SMAD6: variants seen among roughly 807,000 people sequenced by gnomAD.
SMAD6 encodes SMAD family member 6.
Under a neutral mutation model 39.4 loss-of-function variants are expected in SMAD6, and 103 were observed. The observed-to-expected ratio is 2.62, with a 90% CI of 2.23 to 3.08. The LOEUF (loss-of-function observed/expected upper bound fraction) is 3.08, where lower values mean the gene tolerates loss of function less well. Among genes scored for constraint, SMAD6 ranks in the 30% most tolerant of loss-of-function variants. SMAD6 has a pLI of 0.00. For synonymous variants in SMAD6, 445 were observed against 353.3 expected, an observed-to-expected ratio of 1.26 and a Z score of -2.91; for missense variants, 1,104 against 742.9, an observed-to-expected ratio of 1.49 and a Z score of -5.65.
chr15:66,775,253 C>G (rs546380919), intron 3 of SMAD6, among the ~76,000 whole-genome samples: 1 of 152,152 alleles, frequency 6.6e-6, no homozygotes, highest in Non-Finnish European at 1.5e-5. Context: ...TCTGGCCTCT[C>G]GTGCTCAATG....
chr15:66,744,200 G>A (rs1343114941), intron 3 of SMAD6, among the ~76,000 whole-genome samples: 4 of 152,098 alleles, frequency 2.6e-5, no homozygotes, highest in African/African-American at 9.7e-5. Flanking sequence ...CACGAGCCCA[G>A]AAAGAGTCGA....
At chr15:66,760,068 C>A (rs1195952023) in intron 3 of SMAD6, among the ~76,000 whole-genome samples, 2 of 152,220 alleles carry the variant, frequency 1.3e-5, no homozygotes, top group Admixed American at 6.5e-5. Context: ...GTTCCCCAAA[C>A]CTGGAATGCC....
chr15:66,778,515 G>T lies in SMAD6; in HGVS notation c.953-2482G>T, dbSNP rs79072030. On this transcript the variant is annotated intron_variant, in intron 3 of 3. Transcript: ENST00000288840. ...GCCTTGTCTGTGAAGAGGTGCAGCAGTGACCCCTCCCTTAGTGAGACAGTA... is the reference window on the plus strand; with the variant it reads ...GCCTTGTCTGTGAAGAGGTGCAGCATTGACCCCTCCCTTAGTGAGACAGTA... Among the ~76,000 whole-genome samples the T allele has an allele frequency of 0.011, 1,633 of 152,302 alleles. 97 individuals are homozygous for T. The East Asian group carries it at 0.17, about 16-fold the overall frequency.
chr15:66,756,239 A>AG (rs201886415), intron 3 of SMAD6, among the ~76,000 whole-genome samples: 11 of 151,912 alleles, frequency 7.2e-5, no homozygotes, highest in Admixed American at 2.0e-4. Context: ...GGCCCTTTAA[A>AG]AAAATTTTTT....
At position 66,781,204 on chromosome 15, in the gene SMAD6, T is replaced by G; in HGVS notation, c.1160T>G (p.Ile387Ser). 2 of 1,608,310 alleles carry G rather than the reference T, an allele frequency of 1.2e-6. No homozygotes were observed. Among genetic ancestry groups the G allele is most frequent in the African/African-American group, 1.3e-5 (1 of 75,012 alleles). ...TCGGTGCGGCGAACGCGCAGCAAGA[T>G]CGGCTTCGGCATCCTGCTCAGCAAG... ...SESVRRTRSKIGFGILLSKEP... is the reference protein window; with the variant it reads ...SESVRRTRSKSGFGILLSKEP... The change falls in exon 4 of 4, where the codon ATC (isoleucine) becomes AGC (serine). Residue 387 changes from isoleucine to serine, a missense_variant. By Grantham distance (142) the Ile-to-Ser change is moderately radical. Coordinates refer to ENST00000288840, the MANE Select transcript of SMAD6 (RefSeq NM_005585.5).
At chr15:66,734,416 C>T (rs1039251542) in intron 3 of SMAD6, among the ~76,000 whole-genome samples, 6 of 152,178 alleles carry the variant, frequency 3.9e-5, no homozygotes, top group East Asian at 1.9e-4. Flanking sequence ...GCAGACAGCT[C>T]GGGAAACTGA....
intron 3 of SMAD6, among the ~76,000 whole-genome samples, chr15:66,742,097 G>A (rs1276076430): frequency 6.6e-6 from 1 of 152,160 alleles, no homozygotes; most frequent in Non-Finnish European, 1.5e-5. Context: ...TGAGCAGGCG[G>A]GTAGTCACTT....
Position 66,702,377 on chromosome 15 carries a change from T to G in SMAD6, c.-882T>G, listed in dbSNP as rs1892988997. The G allele has an allele frequency of 6.8e-6, 1 of 146,154 alleles. No homozygotes were observed. Among genetic ancestry groups the G allele is most frequent in the Non-Finnish European group, 1.5e-5 (1 of 66,746 alleles). The allele number at this position is 146,154 out of a possible 1,614,324, so 9.1% of individuals were successfully genotyped here. A position where few individuals can be genotyped will look rare whatever the true frequency, so the allele number is the denominator to read the frequency against. On this transcript the variant is annotated 5_prime_UTR_variant, in exon 1 of 4. Transcript: ENST00000288840. ...GCCGAGAGAAAGAGCCGCCGGGCGC[T>G]GCCTCGCCAGACCTCGCTGGGACCC...
chr15:66,759,335 G>C (rs948858586), intron 3 of SMAD6, among the ~76,000 whole-genome samples: 2 of 112,252 alleles, frequency 1.8e-5, no homozygotes, highest in Non-Finnish European at 3.8e-5. Flanking sequence ...GGACAGAGAG[G>C]AAGAGAGAGA....
chr15:66,767,536 C>A (rs1168741820), intron 3 of SMAD6, among the ~76,000 whole-genome samples: 1 of 152,240 alleles, frequency 6.6e-6, no homozygotes, highest in East Asian at 1.9e-4. Flanking sequence ...GCAGCTTCAA[C>A]TTGCCTGCAC....
At chr15:66,733,160 C>T (rs73469895) in intron 3 of SMAD6, among the ~76,000 whole-genome samples, 4,183 of 152,158 alleles carry the variant, frequency 0.027, 202 homozygotes, top group African/African-American at 0.095. Context: ...CCATGGTCTA[C>T]GTGTCTATCC....
At chr15:66,712,731 G>C (rs1893257011) in intron 2 of SMAD6, among the ~76,000 whole-genome samples, 3 of 151,698 alleles carry the variant, frequency 2.0e-5, no homozygotes, top group African/African-American at 7.3e-5. Flanking sequence ...TTGTGGTTGG[G>C]AACGATGGCT....
chr15:66,721,857 A>G (rs923538266), intron 3 of SMAD6, among the ~76,000 whole-genome samples: 2 of 152,224 alleles, frequency 1.3e-5, no homozygotes, highest in Admixed American at 1.3e-4. Flanking sequence ...AGAAGGGATT[A>G]GTGATCAACT....
intron 3 of SMAD6, among the ~76,000 whole-genome samples, chr15:66,774,604 C>G (rs553496848): frequency 5.9e-5 from 9 of 152,284 alleles, no homozygotes; most frequent in Non-Finnish European, 1.2e-4. Context: ...TGGGGCCGCT[C>G]TAGGACAGCC....
chr15:66,780,728 T>C lies in SMAD6; in HGVS notation c.953-269T>C, dbSNP rs117078455. Among the ~76,000 whole-genome samples, 1,202 of 152,316 alleles carry C rather than the reference T, an allele frequency of 7.9e-3. 88 individuals are homozygous for C. The East Asian group carries it at 0.17, about 21-fold the overall frequency. ...ATGGTTCATGTCTGCGTCCGCAGCA[T>C]CTAGCACACAACAGGTGCTCTCTGG... On this transcript the variant is annotated intron_variant, in intron 3 of 3. Coordinates refer to ENST00000288840, the MANE Select transcript of SMAD6 (RefSeq NM_005585.5).
chr15:66,727,079 G>T (rs886981988), intron 3 of SMAD6, among the ~76,000 whole-genome samples: 2 of 149,580 alleles, frequency 1.3e-5, no homozygotes, highest in Non-Finnish European at 3.0e-5. Context: ...TGTGAACTGT[G>T]CTGGCTCTTT....
At chr15:66,770,813 G>A (rs771947577) in intron 3 of SMAD6, among the ~76,000 whole-genome samples, 26 of 152,108 alleles carry the variant, frequency 1.7e-4, no homozygotes, top group Non-Finnish European at 3.1e-4. Flanking sequence ...GGCCTGAGGG[G>A]GTTCCCTGCC....
intron 3 of SMAD6, among the ~76,000 whole-genome samples, chr15:66,732,194 C>G (rs1422754519): frequency 6.6e-6 from 1 of 152,166 alleles, no homozygotes; most frequent in Non-Finnish European, 1.5e-5. Context: ...ATCTGCCCAC[C>G]TCAGCCAAAG....
intron 1 of SMAD6, among the ~76,000 whole-genome samples, chr15:66,711,262 C>G (rs1210614396): frequency 6.6e-6 from 1 of 152,220 alleles, no homozygotes; most frequent in African/African-American, 2.4e-5. Context: ...CCTGCACTCA[C>G]GTTTCTCTTG....
Sources: allele counts gnomAD v4.1 joint callset (sites outside exome capture counted in the v4.1 genomes callset), GRCh38; gene constraint gnomAD v4.1.1; transcripts MANE v1.5; gene names NCBI Gene and HGNC (gene_info 2026-07-23, HGNC 2026-07-21).